The following TSGA10 variants were observed in gnomAD, a reference collection of about 807,000 sequenced individuals.
The protein encoded by TSGA10 is testis specific 10.
In TSGA10, 43 loss-of-function variants were observed where a neutral mutation model predicts 96.6. The observed-to-expected ratio is 0.44, with a 90% CI of 0.35 to 0.57. The LOEUF is 0.57. Ranked by LOEUF, TSGA10 falls within the 20% of genes least tolerant of loss-of-function variation. The probability of loss-of-function intolerance (pLI) is 0.01; values close to 1 mark genes in which losing one functional copy is unlikely to be tolerated. For missense variants in TSGA10, 703 were observed against 834.4 expected (o/e 0.84, Z 1.94); for synonymous variants, 229 against 269.9 (o/e 0.85, Z 1.48).
intron 12 of TSGA10, among the ~76,000 whole-genome samples, chr2:99,077,817 C>T (rs1030900932): frequency 1.7e-4 from 26 of 152,000 alleles, no homozygotes; most frequent in Admixed American, 1.3e-4. Context: ...CCTCCTCGGC[C>T]TCCCAAAGTG....
intron 1 of TSGA10, chr2:99,147,604 C>A: frequency 2.2e-6 from 2 of 917,696 alleles, no homozygotes; most frequent in South Asian, 2.0e-5. Flanking sequence ...CATTCTTTTA[C>A]GTTTGTTGAT....
chr2:99,032,900 C>T (rs191416889), intron 17 of TSGA10, among the ~76,000 whole-genome samples: 12 of 152,290 alleles, frequency 7.9e-5, no homozygotes, highest in East Asian at 5.8e-4. Context: ...CGGATGTTGA[C>T]GGCAAGGCAA....
In TSGA10 at chr2:99,022,749, T is replaced by C. The variant is rs116561090; in HGVS notation, c.1615-2267A>G. ...TAAGGCAATCTAATTTTTAACATTTTGAGGAACTGACAAAATGTTTTACAA... is the reference window on the plus strand; with the variant it reads ...TAAGGCAATCTAATTTTTAACATTTCGAGGAACTGACAAAATGTTTTACAA... On this transcript the variant is annotated intron_variant, in intron 17 of 20. Coordinates refer to ENST00000393483, the MANE Select transcript of TSGA10 (RefSeq NM_025244.4). Among the ~76,000 whole-genome samples, 420 of 152,306 alleles carry C rather than the reference T, an allele frequency of 2.8e-3. 2 individuals carry two copies. The highest frequency in any genetic ancestry group is 9.5e-3 in the African/African-American group (394 of 41,572).
intron 10 of TSGA10, chr2:99,102,392 T>G (rs757557557): frequency 9.8e-5 from 158 of 1,613,676 alleles, no homozygotes; most frequent in Non-Finnish European, 1.1e-4. Flanking sequence ...GAGTTGGAAT[T>G]AGGGTGTCAT....
At chr2:99,030,754 C>A (rs2081060480) in intron 17 of TSGA10, among the ~76,000 whole-genome samples, 1 of 152,074 alleles carries the variant, frequency 6.6e-6, no homozygotes, top group Non-Finnish European at 1.5e-5. Flanking sequence ...CTTACAATAG[C>A]TCAAAAAAAG....
At position 99,102,105 on chromosome 2, in the gene TSGA10, C is replaced by T. The variant is rs772943709; in HGVS notation, c.611+1862G>A. 549 of 1,466,970 alleles carry T rather than the reference C, an allele frequency of 3.7e-4. 3 individuals carry two copies. The highest frequency in any genetic ancestry group is 9.1e-5 in the South Asian group (8 of 88,020). The allele number at this position is 1,466,970 out of a possible 1,614,324, so 90.9% of individuals were successfully genotyped here. A position where few individuals can be genotyped will look rare whatever the true frequency, so the allele number is the denominator to read the frequency against. ...TGAGCAGAAAGAAAAGTTAATAAAGCGACAAGAAGAGTTAGATAGGGGTTA... is the reference window on the plus strand; with the variant it reads ...TGAGCAGAAAGAAAAGTTAATAAAGTGACAAGAAGAGTTAGATAGGGGTTA... On this transcript the variant is annotated intron_variant, in intron 10 of 20. Coordinates refer to ENST00000393483, the MANE Select transcript of TSGA10 (RefSeq NM_025244.4).
intron 10 of TSGA10, among the ~76,000 whole-genome samples, chr2:99,087,389 C>T (rs2088655733): frequency 1.3e-5 from 2 of 151,874 alleles, no homozygotes; most frequent in Non-Finnish European, 2.9e-5. Context: ...GCCTGTAATC[C>T]CAGCTACTTG....
chr2:99,021,557 A>G (rs918802233), intron 17 of TSGA10, among the ~76,000 whole-genome samples: 3 of 152,202 alleles, frequency 2.0e-5, no homozygotes, highest in African/African-American at 7.2e-5. Context: ...ACAAGATGCT[A>G]TTACTAGTTC....
At chr2:99,035,670 C>A (rs2081557250) in intron 16 of TSGA10, among the ~76,000 whole-genome samples, 1 of 146,784 alleles carries the variant, frequency 6.8e-6, no homozygotes, top group Admixed American at 6.8e-5. Flanking sequence ...ACTGGTCATT[C>A]TTTTTAATGT....
In TSGA10 at chr2:99,087,160, T is replaced by C. The variant is rs539134380; in HGVS notation, c.612-5763A>G. 1.9e-4 allele frequency among the ~76,000 whole-genome samples: 29 copies of C among 149,908 alleles called. 1 individual carries two copies. In the South Asian group the frequency reaches 5.6e-3, roughly 29 times the overall value. On this transcript the variant is annotated intron_variant, in intron 10 of 20. Coordinates refer to ENST00000393483, the MANE Select transcript of TSGA10 (RefSeq NM_025244.4). Reference sequence around the variant, plus strand: ...CAGAGCTTGCAGTGAGCCAAGATCATGCCACTGCACTCCAGCCTGGGCGAC... The same window carrying C: ...CAGAGCTTGCAGTGAGCCAAGATCACGCCACTGCACTCCAGCCTGGGCGAC...
At chr2:99,000,958 C>T (rs955563078) in intron 20 of TSGA10, among the ~76,000 whole-genome samples, 1 of 152,196 alleles carries the variant, frequency 6.6e-6, no homozygotes, top group Non-Finnish European at 1.5e-5. Flanking sequence ...ATTTGGTAAA[C>T]AAGGCAGCCT....
At chr2:99,043,147 A>T (rs2082370598) in intron 16 of TSGA10, among the ~76,000 whole-genome samples, 1 of 150,654 alleles carries the variant, frequency 6.6e-6, no homozygotes, top group African/African-American at 2.5e-5. Flanking sequence ...ATATGATGAC[A>T]ATGTCTCATC....
chr2:99,138,257 C>T (rs1249617398), intron 1 of TSGA10, among the ~76,000 whole-genome samples: 1 of 152,182 alleles, frequency 6.6e-6, no homozygotes, highest in Admixed American at 6.5e-5. Context: ...GTCAGAGGGT[C>T]TTCCCTGACT....
At chr2:99,102,583 T>C (rs924599894) in intron 10 of TSGA10, 6 of 1,614,196 alleles carry the variant, frequency 3.7e-6, no homozygotes, top group Middle Eastern at 1.6e-4. Context: ...GATATGATTA[T>C]GGAACTTGCT....
At position 99,141,135 on chromosome 2, in the gene TSGA10, C is replaced by A. The variant is rs977198906; in HGVS notation, c.-621+13558G>T. 21 of 1,276,758 alleles carry A rather than the reference C, an allele frequency of 1.6e-5. No individual in the cohort carries two copies. In the Admixed American group the frequency reaches 3.1e-4, roughly 19 times the overall value. 79.1% of individuals were successfully genotyped at this position (1,276,758 alleles called of 1,614,324 possible). A position where few individuals can be genotyped will look rare whatever the true frequency, so the allele number is the denominator to read the frequency against. On this transcript the variant is annotated intron_variant, in intron 1 of 20. Coordinates refer to ENST00000393483, the MANE Select transcript of TSGA10 (RefSeq NM_025244.4). ...CCTCGGCCCGCCGTCCTGCCCAGAGCTCATCCCCGCGACTGTCAGCTCTCG... is the reference window on the plus strand; with the variant it reads ...CCTCGGCCCGCCGTCCTGCCCAGAGATCATCCCCGCGACTGTCAGCTCTCG...
At position 99,145,434 on chromosome 2, in the gene TSGA10, C is replaced by T. The variant is rs150901702; in HGVS notation, c.-621+9259G>A. 3.3e-5 allele frequency among the ~76,000 whole-genome samples: 5 copies of T among 152,202 alleles called. 1 individual carries two copies. The East Asian group carries it at 9.7e-4, about 29-fold the overall frequency. On this transcript the variant is annotated intron_variant, in intron 1 of 20. Transcript: ENST00000393483. ...ATTAACTGATCGTGGTGGCAGGCAC[C>T]TGTAATCCCAGCTACTTGGGAGCTG...
At chr2:99,141,282 AAGG>A (rs2093540728) in intron 1 of TSGA10, 6 of 617,664 alleles carry the variant, frequency 9.7e-6, no homozygotes, top group South Asian at 4.4e-5. Context: ...AGCCCGCGGG[AAGG>A]AGGAGGGGGC....
chr2:99,081,599 T>C (rs908793487), intron 10 of TSGA10, among the ~76,000 whole-genome samples: 1 of 152,190 alleles, frequency 6.6e-6, no homozygotes, highest in Non-Finnish European at 1.5e-5. Flanking sequence ...CACTCCAACA[T>C]AAGCTACTAT....
chr2:99,033,527 G>A (rs554435466), intron 17 of TSGA10, among the ~76,000 whole-genome samples: 1 of 152,304 alleles, frequency 6.6e-6, no homozygotes, highest in East Asian at 1.9e-4. Flanking sequence ...CTTCAGGGGA[G>A]AATGACAACT....
Sources: allele counts gnomAD v4.1 joint callset (sites outside exome capture counted in the v4.1 genomes callset), GRCh38; gene constraint gnomAD v4.1.1; transcripts MANE v1.5; gene names NCBI Gene and HGNC (gene_info 2026-07-23, HGNC 2026-07-21).